The following VSX1 variants were observed in gnomAD, a reference collection of about 807,000 sequenced individuals.
VSX1 encodes homeodomain protein RINX.
In VSX1, 23 loss-of-function variants were observed where a neutral mutation model predicts 23.6. The ratio of observed to expected loss-of-function variants is 0.97; its 90% CI spans 0.70 to 1.38. The LOEUF is 1.38. VSX1 is among the 40% of genes most tolerant of loss of function. VSX1 has a pLI of 0.00. For synonymous variants in VSX1, 247 were observed against 215.1 expected (o/e 1.15, Z -1.30); for missense variants, 517 against 495.4 (o/e 1.04, Z -0.41).
intron 1 of VSX1, among the ~76,000 whole-genome samples, chr20:25,081,002 T>C (rs2089628027): frequency 6.6e-6 from 1 of 152,166 alleles, no homozygotes; most frequent in East Asian, 1.9e-4. Context: ...ATTGCTTCCT[T>C]CTCTTTCCCC....
At chr20:25,078,504 T>G in intron 3 of VSX1, 26 of 1,278,396 alleles carry the variant, frequency 2.0e-5, no homozygotes, top group East Asian at 6.5e-5. Context: ...TCCTCAGGCA[T>G]TTGTGTTGAT....
chr20:25,076,195 G>T lies in VSX1; in HGVS notation c.*66C>A. The T allele has an allele frequency of 6.2e-7, 1 of 1,606,896 alleles. No individual in the cohort carries two copies. Among genetic ancestry groups the T allele is most frequent in the African/African-American group, 1.3e-5 (1 of 74,808 alleles). ...AGAGTATATGTCTTGGACAATTTTT[G>T]TCTTTTGGAAAATGCCAGTGAGGAA... On this transcript the variant is annotated 3_prime_UTR_variant, in exon 5 of 5. Transcript: ENST00000376709.
intron 3 of VSX1, chr20:25,078,109 C>A: frequency 1.7e-6 from 1 of 583,112 alleles, no homozygotes; most frequent in Non-Finnish European, 3.0e-6. Flanking sequence ...ACACTTGTGA[C>A]CACGTCCACT....
downstream of VSX1, among the ~76,000 whole-genome samples, chr20:25,073,923 T>C (rs536687838): frequency 2.0e-4 from 30 of 152,302 alleles, no homozygotes; most frequent in African/African-American, 7.2e-4. Flanking sequence ...AGCAGCCCAA[T>C]GACACACCGA....
At position 25,082,080 on chromosome 20, in the gene VSX1, G is replaced by A. The variant is rs934627822; in HGVS notation, c.17C>T (p.Ser6Leu). Residue 6 changes from serine to leucine, a missense_variant, in exon 1 of 5, where the codon TCG becomes TTG. Physicochemically the swap from Ser to Leu is moderately radical, Grantham distance 145. Coordinates refer to ENST00000376709, the MANE Select transcript of VSX1 (RefSeq NM_014588.6). ...GCTGCTAGTGCGCCCGTCGGAAAGC[G>A]AGTCCCGGCCGGTCATGGTTCCTTA... The part of the protein sequence containing the change: MTGRD[S>L]LSDGRTSSRA... 2.6e-6 allele frequency: 4 copies of A among 1,538,308 alleles called. No individual in the cohort carries two copies. Among genetic ancestry groups the A allele is most frequent in the Admixed American group, 3.9e-5 (2 of 51,168 alleles).
chr20:25,077,673 G>T lies in VSX1; in HGVS notation c.808+12C>A, dbSNP rs1166534613. The T allele has an allele frequency of 9.1e-6, 14 of 1,545,152 alleles. No homozygotes were observed. Among genetic ancestry groups the T allele is most frequent in the African/African-American group, 5.5e-5 (4 of 73,136 alleles). On this transcript the variant is annotated intron_variant, in intron 4 of 4. Transcript: ENST00000376709. ...CACCTCGAGCCGTGCGATCCCGGGG[G>T]CCCTTCCTTACCCAGGAGCCAGGGC... is the stretch of plus-strand genomic sequence containing the variant.
intron 1 of VSX1, among the ~76,000 whole-genome samples, chr20:25,080,926 T>A (rs1010488252): frequency 3.3e-5 from 5 of 152,234 alleles, no homozygotes; most frequent in African/African-American, 1.2e-4. Flanking sequence ...TCTTGTGTAA[T>A]TCTTTCTTTT....
downstream of VSX1, chr20:25,072,606 G>A: frequency 2.1e-6 from 1 of 471,116 alleles, no homozygotes; most frequent in South Asian, 1.5e-5. Context: ...CGGCTTAGCA[G>A]GTTCACTTCA....
At chr20:25,075,194 A>T (rs1373199069), downstream of VSX1, among the ~76,000 whole-genome samples, 1 of 152,158 alleles carries the variant, frequency 6.6e-6, no homozygotes, top group African/African-American at 2.4e-5. Context: ...GCAGTTCCAC[A>T]CTTTCCTTGT....
In VSX1 at chr20:25,081,810, G is replaced by C. The variant is rs940349333; in HGVS notation, c.287C>G (p.Ala96Gly). ...CGFGTQPPAA[A>G]RAPCLLLADV... ...CGCTAGGAGCAGGCAGGGTGCTCGA[G>C]CGGCCGCCGGCGGCTGCGTGCCGAA... The change falls in exon 1 of 5, where the codon GCT becomes GGT. Residue 96 changes from alanine (A) to glycine (G), a missense_variant. By Grantham distance (60) the Ala-to-Gly change is moderately conservative (BLOSUM62 0). Transcript: ENST00000376709. 1.3e-6 allele frequency: 2 copies of C among 1,502,774 alleles called. No homozygotes were observed. Among genetic ancestry groups the C allele is most frequent in the Admixed American group, 2.1e-5 (1 of 46,650 alleles). 93.1% of individuals were successfully genotyped at this position (1,502,774 alleles called of 1,614,324 possible).
At position 25,078,601 on chromosome 20, in the gene VSX1, TATC is replaced by T. The variant is rs1308713596; in HGVS notation, c.627+225_627+227del. The T allele has an allele frequency of 5.5e-6, 8 of 1,444,936 alleles. No individual in the cohort carries two copies. The East Asian group carries it at 1.5e-4, about 27-fold the overall frequency. 89.5% of individuals were successfully genotyped at this position (1,444,936 alleles called of 1,614,324 possible). A position where few individuals can be genotyped will look rare whatever the true frequency, so the allele number is the denominator to read the frequency against. ...TATAGTTTCTAGTTGCAGCACACATTATCATGTGATTTTAAAGAATGATTTGAT... is the reference window on the plus strand; with the variant it reads ...TATAGTTTCTAGTTGCAGCACACATTATGTGATTTTAAAGAATGATTTGAT... On this transcript the variant is annotated intron_variant, in intron 3 of 4. Coordinates refer to ENST00000376709, the MANE Select transcript of VSX1 (RefSeq NM_014588.6).
Position 25,076,303 on chromosome 20 carries a change from C to T in VSX1, c.1056G>A (p.Thr352=), listed in dbSNP as rs757064861. ...GAGAQGGSNS[T]ALEGPQPGKV... is the part of the protein sequence containing the mutation. ...TCCCTGGCTGGGGCCCCTCCAGTGC[C>T]GTGGAGTTGGAGCCTCCTTGAGCAC... The change falls in exon 5 of 5, where the codon ACG becomes ACA. Residue 352 remains threonine (T), a synonymous_variant. Coordinates refer to ENST00000376709, the MANE Select transcript of VSX1 (RefSeq NM_014588.6). 25 of 1,614,086 alleles carry T rather than the reference C, an allele frequency of 1.5e-5. No homozygotes were observed. The highest frequency in any genetic ancestry group is 1.5e-4 in the South Asian group (14 of 91,090).
chr20:25,074,994 G>T (rs1215473321), downstream of VSX1, among the ~76,000 whole-genome samples: 4 of 152,146 alleles, frequency 2.6e-5, no homozygotes, highest in Admixed American at 2.0e-4. Flanking sequence ...AGAACATAGG[G>T]CTTATCATTT....
downstream of VSX1, among the ~76,000 whole-genome samples, chr20:25,073,415 G>A (rs1009188875): frequency 2.0e-5 from 3 of 151,806 alleles, no homozygotes; most frequent in African/African-American, 7.3e-5. Context: ...TATCACACAC[G>A]CACTACTTTA....
rs1250471226 is a variant in VSX1, at chr20:25,077,867, T to C, written c.628-2A>G. ...GGCCCTGCGGTTTTGAAACCAGACC[T>C]GGTTGGAGGCAGGAGAAGCAGAAGG... is the stretch of plus-strand genomic sequence containing the variant. On this transcript the variant is annotated splice_acceptor_variant, in intron 3 of 4. Transcript: ENST00000376709. LOFTEE classifies it high-confidence loss of function. 4 of 1,551,722 alleles carry C rather than the reference T, an allele frequency of 2.6e-6. No homozygotes were observed. The Admixed American group carries it at 7.8e-5, about 30-fold the overall frequency.
intron 3 of VSX1, 45 bp downstream of exon 3, chr20:25,078,784 G>T: frequency 6.2e-7 from 1 of 1,614,154 alleles, no homozygotes; most frequent in Non-Finnish European, 8.5e-7. Context: ...GGAATGACAC[G>T]TTCTCTGTGG....
At chr20:25,071,910 C>T (rs1330581877), downstream of VSX1, 1 of 698,800 alleles carries the variant, frequency 1.4e-6, no homozygotes. Context: ...ACTTTAGCAG[C>T]ATTACAGGGT....
At chr20:25,071,142 C>G (rs763283584), downstream of VSX1, 1 of 454,076 alleles carries the variant, frequency 2.2e-6, no homozygotes, top group Non-Finnish European at 4.4e-6. Context: ...TAAGAGGAAT[C>G]AGGGCAGAAA....
At chr20:25,078,143 GA>G (rs11314200) in intron 3 of VSX1, 112,012 of 532,020 alleles carry the variant, frequency 0.21, 13,837 homozygotes, top group Admixed American at 0.32. Flanking sequence ...AGTCAGGAAT[GA>G]AAAAAACTAA....
Sources: gnomAD v4.1 joint callset for allele counts (sites outside exome capture counted in the v4.1 genomes callset) on GRCh38, gnomAD v4.1.1 for gene constraint, MANE v1.5 for transcripts, NCBI Gene and HGNC (gene_info 2026-07-23, HGNC 2026-07-21) for gene names.